FARS2: variants seen among roughly 807,000 people sequenced by gnomAD.
The protein encoded by FARS2 is phenylalanine--tRNA ligase, mitochondrial.
A neutral mutation model predicts 46.4 loss-of-function variants in FARS2; 40 were observed. That is an observed-to-expected ratio of 0.86 (90% CI 0.67 to 1.12). The LOEUF (loss-of-function observed/expected upper bound fraction) is 1.12, where lower values mean the gene tolerates loss of function less well. FARS2 is among the 50% of genes most tolerant of loss of function. FARS2 has a pLI of 0.00. For synonymous variants in FARS2, 234 were observed against 214.9 expected (o/e 1.09, Z -0.78); for missense variants, 513 against 567.9 (o/e 0.90, Z 0.98).
chr6:5,285,946 T>C (rs1767079650), intron 1 of FARS2, among the ~76,000 whole-genome samples: 1 of 152,242 alleles, frequency 6.6e-6, no homozygotes, highest in Non-Finnish European at 1.5e-5. Flanking sequence ...TTCACTTTGC[T>C]CTGTCCTTCC....
chr6:5,342,318 T>C (rs1427516249), intron 1 of FARS2, among the ~76,000 whole-genome samples: 1 of 152,246 alleles, frequency 6.6e-6, no homozygotes, highest in East Asian at 1.9e-4. Flanking sequence ...CAGTGTTTAT[T>C]TGCACAACTA....
intron 4 of FARS2, among the ~76,000 whole-genome samples, chr6:5,540,226 C>T (rs75794598): frequency 0.018 from 2,744 of 152,336 alleles, 80 homozygotes; most frequent in African/African-American, 0.061. Context: ...ATTTTGGACT[C>T]ATACCTTTAT....
intron 1 of FARS2, among the ~76,000 whole-genome samples, chr6:5,264,209 T>G (rs2127802867): frequency 6.6e-6 from 1 of 152,316 alleles, no homozygotes; most frequent in East Asian, 1.9e-4. Context: ...ATCACATTAC[T>G]GCTCTGTAGC....
chr6:5,300,077 A>G (rs1313618059), intron 1 of FARS2, among the ~76,000 whole-genome samples: 2 of 152,172 alleles, frequency 1.3e-5, no homozygotes, highest in Non-Finnish European at 2.9e-5. Context: ...TTATTTACCT[A>G]TGATTTTATT....
chr6:5,271,496 TA>T (rs1338103922), intron 1 of FARS2, among the ~76,000 whole-genome samples: 2 of 152,084 alleles, frequency 1.3e-5, no homozygotes, highest in African/African-American at 2.4e-5. Flanking sequence ...GCCAGAGTTA[TA>T]TTTTTTTATT....
At chr6:5,286,301 C>T (rs1195577817) in intron 1 of FARS2, among the ~76,000 whole-genome samples, 2 of 152,138 alleles carry the variant, frequency 1.3e-5, no homozygotes, top group Non-Finnish European at 1.5e-5. Flanking sequence ...CTCACTTTGT[C>T]ACCCAGGCTG....
At chr6:5,504,037 C>T (rs1490699343) in intron 4 of FARS2, among the ~76,000 whole-genome samples, 4 of 152,110 alleles carry the variant, frequency 2.6e-5, no homozygotes, top group African/African-American at 9.7e-5. Flanking sequence ...TTATTAAAAC[C>T]ACAGCCTGCC....
intron 4 of FARS2, chr6:5,456,984 GATTTAGCTTCCAGTTGTGTC>G (rs1453415575): frequency 9.9e-5 from 15 of 152,172 alleles, no homozygotes; most frequent in African/African-American, 3.4e-4. Flanking sequence ...CCTGCTGTTG[GATTTAGCTTCCAGTTGTGTC>G]ATTTCAAATG....
At chr6:5,423,372 A>C (rs930905072) in intron 3 of FARS2, among the ~76,000 whole-genome samples, 4 of 151,966 alleles carry the variant, frequency 2.6e-5, no homozygotes, top group Admixed American at 2.0e-4. Flanking sequence ...TTCTCATTTC[A>C]TTGTGAGGTA....
chr6:5,625,183 G>C (rs1775970387), intron 6 of FARS2, among the ~76,000 whole-genome samples: 1 of 152,148 alleles, frequency 6.6e-6, no homozygotes, highest in Non-Finnish European at 1.5e-5. Context: ...AGACAGGCCT[G>C]TGATTTGTGA....
intron 1 of FARS2, among the ~76,000 whole-genome samples, chr6:5,299,322 T>C (rs1212714376): frequency 6.6e-6 from 1 of 152,242 alleles, no homozygotes; most frequent in African/African-American, 2.4e-5. Context: ...CTTACCCTTA[T>C]TATTAAATTA....
At chr6:5,534,239 T>C (rs1048641673) in intron 4 of FARS2, among the ~76,000 whole-genome samples, 2 of 141,788 alleles carry the variant, frequency 1.4e-5, no homozygotes, top group Admixed American at 1.4e-4. Flanking sequence ...AAATTTTAAA[T>C]ATCTACATCC....
intron 4 of FARS2, chr6:5,467,019 CA>C: frequency 1.0e-6 from 1 of 984,928 alleles, no homozygotes. Context: ...ACATTGAATA[CA>C]AATTAAAGTT....
intron 1 of FARS2, among the ~76,000 whole-genome samples, chr6:5,282,485 G>T (rs867660245): frequency 2.0e-5 from 3 of 152,198 alleles, no homozygotes; most frequent in Middle Eastern, 3.2e-3. Flanking sequence ...ATATGGGGAA[G>T]GGAGACAATC....
At position 5,663,959 on chromosome 6, in the gene FARS2, G is replaced by A. The variant is rs1271753530; in HGVS notation, c.1217+50639G>A. ...CTGGCCAGGGCCATGGACTGCAGGT[G>A]CTTAAGTGGCCCCACAGTAGATGGC... On this transcript the variant is annotated intron_variant, in intron 6 of 6. Coordinates refer to ENST00000274680, the MANE Select transcript of FARS2 (RefSeq NM_006567.5). 2.6e-5 allele frequency among the ~76,000 whole-genome samples: 4 copies of A among 152,156 alleles called. No homozygotes were observed. In the South Asian group the frequency reaches 8.3e-4, roughly 32 times the overall value.
chr6:5,466,418 T>C, intron 4 of FARS2: 1 of 548,572 alleles, frequency 1.8e-6, no homozygotes, highest in Non-Finnish European at 2.3e-6. Context: ...GATGCTGAGC[T>C]CCTTAAAGGC....
intron 6 of FARS2, among the ~76,000 whole-genome samples, chr6:5,623,097 A>G (rs1775856198): frequency 6.6e-6 from 1 of 152,214 alleles, no homozygotes; most frequent in Admixed American, 6.5e-5. Context: ...TTCCTCATCT[A>G]CCACCAGGAG....
At chr6:5,675,230 A>G (rs932996096) in intron 6 of FARS2, among the ~76,000 whole-genome samples, 2 of 141,226 alleles carry the variant, frequency 1.4e-5, no homozygotes, top group African/African-American at 4.9e-5. Context: ...ACACACACAC[A>G]CACACACACG....
At chr6:5,330,371 G>A (rs61636788) in intron 1 of FARS2, among the ~76,000 whole-genome samples, 9,275 of 152,086 alleles carry the variant, frequency 0.061, 343 homozygotes, top group Middle Eastern at 0.13. Context: ...TAGGTGTAGC[G>A]TATGCTGCTT....
Sources: allele counts gnomAD v4.1 joint callset (sites outside exome capture counted in the v4.1 genomes callset), GRCh38; gene constraint gnomAD v4.1.1; transcripts MANE v1.5; gene names NCBI Gene and HGNC (gene_info 2026-07-23, HGNC 2026-07-21).